Variants in PAQR6 observed in about 807,000 individuals in gnomAD.
The protein encoded by PAQR6 is membrane progestin receptor delta.
PAQR6 carries 34 observed loss-of-function variants against 36.2 expected under a neutral mutation model. The ratio of observed to expected loss-of-function variants is 0.94; its 90% confidence interval spans 0.71 to 1.25. PAQR6 has a LOEUF of 1.25. PAQR6 is among the 50% of genes most tolerant of loss of function. The pLI is 0.00. For missense variants in PAQR6, 431 were observed against 445.7 expected, an observed-to-expected ratio of 0.97 and a Z score of 0.30; for synonymous variants, 190 against 190.7, an observed-to-expected ratio of 1.00 and a Z score of 0.03.
At position 156,246,686 on chromosome 1, in the gene PAQR6, G is replaced by A; in HGVS notation, c.46C>T (p.Pro16Ser). 1 of 1,613,752 alleles carries A rather than the reference G, an allele frequency of 6.2e-7. No homozygotes were observed. The highest frequency in any genetic ancestry group is 8.5e-7 in the Non-Finnish European group (1 of 1,179,858). ...CAGTGGGTGGAGCCCCTCACCCGGG[G>A]GACCTGGTGGACTTGAAGAAGTTGG... Reference protein sequence around the residue: ...LPQLLQVHQVPRVFWEDGIMS... With the variant: ...LPQLLQVHQVSRVFWEDGIMS... The change falls in exon 2 of 8, where the codon CCC (proline) becomes TCC (serine). Residue 16 changes from proline to serine, a missense_variant. By Grantham distance (74) the Pro-to-Ser change is moderately conservative. Transcript: ENST00000292291.
In PAQR6 at chr1:156,243,908, T is replaced by A; in HGVS notation, c.*221A>T. The stretch of plus-strand genomic sequence containing the variant: ...TCCCCTCTCAGACCCTCAGCACTTC[T>A]TCCACTCCCATCAAGAGCCCCCTCA... On this transcript the variant is annotated 3_prime_UTR_variant, in exon 8 of 8. Coordinates refer to ENST00000292291, the MANE Select transcript of PAQR6 (RefSeq NM_198406.3). 1 of 1,613,306 alleles carries A rather than the reference T, an allele frequency of 6.2e-7. No homozygotes were observed. Among genetic ancestry groups the A allele is most frequent in the Non-Finnish European group, 8.5e-7 (1 of 1,179,400 alleles).
Position 156,245,128 on chromosome 1 carries a change from C to G in PAQR6, c.609+14G>C. On this transcript the variant is annotated intron_variant, in intron 6 of 7. Transcript: ENST00000292291. Reference sequence around the variant, plus strand: ...GAAAGCAGGAGTCTGGGCAGGGGCCCTAGGCCTCCTTACCCGATAAAAGAG... The same window carrying G: ...GAAAGCAGGAGTCTGGGCAGGGGCCGTAGGCCTCCTTACCCGATAAAAGAG... 6.2e-7 allele frequency: 1 copy of G among 1,612,234 alleles called. No individual in the cohort carries two copies. The highest frequency in any genetic ancestry group is 8.5e-7 in the Non-Finnish European group (1 of 1,178,766).
Position 156,243,989 on chromosome 1 carries a change from C to G in PAQR6, c.*140G>C. On this transcript the variant is annotated 3_prime_UTR_variant, in exon 8 of 8. Coordinates refer to ENST00000292291, the MANE Select transcript of PAQR6 (RefSeq NM_198406.3). Reference sequence around the variant, plus strand: ...AGACACCCCTCCTCTTCTCTGCCCTCTCTCCTGTGCCCTCTCTCCTCAGCC... The same window carrying G: ...AGACACCCCTCCTCTTCTCTGCCCTGTCTCCTGTGCCCTCTCTCCTCAGCC... 1.9e-6 allele frequency: 3 copies of G among 1,614,216 alleles called. No homozygotes were observed. Among genetic ancestry groups the G allele is most frequent in the Non-Finnish European group, 2.5e-6 (3 of 1,180,026 alleles).
intron 1 of PAQR6, 72 bp downstream of exon 1, chr1:156,247,885 G>A (rs137965952): frequency 1.0e-5 from 4 of 395,310 alleles, no homozygotes; most frequent in East Asian, 1.6e-4. Context: ...ATGGAAATGG[G>A]GGAGGGGTGG....
chr1:156,245,711 T>C lies in PAQR6; in HGVS notation c.386-50A>G, dbSNP rs865916447. The C allele has an allele frequency of 3.8e-6, 6 of 1,587,826 alleles. No homozygotes were observed. The Middle Eastern group carries it at 1.0e-3, about 275-fold the overall frequency. On this transcript the variant is annotated intron_variant, in intron 4 of 7. Transcript: ENST00000292291. The stretch of plus-strand genomic sequence containing the variant: ...CTGAGGCCTGAGGGGCGCGCCCCTA[T>C]GTCCCGCGTCCCACCCCTCGCCCCG...
chr1:156,244,137 G>T lies in PAQR6; in HGVS notation c.1027C>A (p.Gln343Lys), dbSNP rs763782228. The T allele has an allele frequency of 1.9e-6, 3 of 1,603,998 alleles. No individual in the cohort carries two copies. Among genetic ancestry groups the T allele is most frequent in the Admixed American group, 3.3e-5 (2 of 59,712 alleles). ...GGGTCAGGGATGGGGCCTCACTGTTGTTTGGCCTGGGTACCCCCCTCCAGT... is the reference window on the plus strand; with the variant it reads ...GGGTCAGGGATGGGGCCTCACTGTTTTTTGGCCTGGGTACCCCCCTCCAGT... ...GPLEGGTQAK[Q>K]Q is the part of the protein sequence containing the mutation. Residue 343 changes from glutamine (Q) to lysine (K), a missense_variant, in exon 8 of 8, where the codon CAA becomes AAA. Coordinates refer to ENST00000292291, the MANE Select transcript of PAQR6 (RefSeq NM_198406.3).
intron 2 of PAQR6, 112 bp from the exon 3 acceptor site, chr1:156,246,362 C>A: frequency 1.0e-6 from 1 of 997,658 alleles, no homozygotes; most frequent in Non-Finnish European, 1.5e-6. Flanking sequence ...ACGTGGCCCC[C>A]AAGCCAAACT....
Position 156,246,736 on chromosome 1 carries a change from G to C in PAQR6, c.-5C>G. The C allele has an allele frequency of 6.2e-7, 1 of 1,613,680 alleles. No homozygotes were observed. Reference sequence around the variant, plus strand: ...GGGCAGCTTGAGACTGAGCATGGTGGCCTGGTACCTCCACGTTGACCTAGA... The same window carrying C: ...GGGCAGCTTGAGACTGAGCATGGTGCCCTGGTACCTCCACGTTGACCTAGA... On this transcript the variant is annotated 5_prime_UTR_variant, in exon 2 of 8. Transcript: ENST00000292291.
chr1:156,244,163 G>A lies in PAQR6; in HGVS notation c.1001C>T (p.Pro334Leu), dbSNP rs1339302549. The change falls in exon 8 of 8, where the codon CCA (proline) becomes CTA (leucine). Residue 334 changes from proline to leucine, a missense_variant. Pro to Leu is a moderately conservative substitution (Grantham distance 98, BLOSUM62 -3). Coordinates refer to ENST00000292291, the MANE Select transcript of PAQR6 (RefSeq NM_198406.3). ...PSTCPLLQGG[P>L]LEGGTQAKQQ is the part of the protein sequence containing the mutation. ...TTTGGCCTGGGTACCCCCCTCCAGTGGGCCACCCTGCAGCAGAGGGCATGT... is the reference window on the plus strand; with the variant it reads ...TTTGGCCTGGGTACCCCCCTCCAGTAGGCCACCCTGCAGCAGAGGGCATGT... 8.1e-6 allele frequency: 13 copies of A among 1,606,166 alleles called. No individual in the cohort carries two copies. Among genetic ancestry groups the A allele is most frequent in the Non-Finnish European group, 1.1e-5 (13 of 1,173,720 alleles).
At position 156,243,822 on chromosome 1, in the gene PAQR6, C is replaced by T. The variant is rs756776427; in HGVS notation, c.*307G>A. ...GGAGCCAGATGAAAGGACCCCAACA[C>T]CTCCCCCCGCCAACCTTTGACAGAA... On this transcript the variant is annotated 3_prime_UTR_variant, in exon 8 of 8. Coordinates refer to ENST00000292291, the MANE Select transcript of PAQR6 (RefSeq NM_198406.3). The T allele has an allele frequency of 5.0e-5, 77 of 1,537,478 alleles. No homozygotes were observed. Among genetic ancestry groups the T allele is most frequent in the Non-Finnish European group, 8.8e-7 (1 of 1,140,816 alleles).
rs757185893 is a variant in PAQR6, at chr1:156,246,726, G to C, written c.6C>G (p.Leu2=). Reference sequence around the variant, plus strand: ...GAAGAAGTTGGGGCAGCTTGAGACTGAGCATGGTGGCCTGGTACCTCCACG... The same window carrying C: ...GAAGAAGTTGGGGCAGCTTGAGACTCAGCATGGTGGCCTGGTACCTCCACG... The part of the protein sequence containing the change: M[L]SLKLPQLLQV... The change falls in exon 2 of 8, where the codon CTC becomes CTG. Residue 2 remains leucine, a synonymous_variant. Coordinates refer to ENST00000292291, the MANE Select transcript of PAQR6 (RefSeq NM_198406.3). The C allele has an allele frequency of 6.2e-7, 1 of 1,613,692 alleles. No homozygotes were observed. The highest frequency in any genetic ancestry group is 1.7e-5 in the Admixed American group (1 of 59,966).
intron 6 of PAQR6, 71 bp downstream of exon 6, chr1:156,245,071 G>A (rs1430580037): frequency 1.2e-6 from 2 of 1,602,650 alleles, no homozygotes; most frequent in African/African-American, 2.7e-5. Context: ...AGGGGGCAGG[G>A]CTGGAAGTGG....
At chr1:156,247,735 T>C (rs968004160) in intron 1 of PAQR6, 7 of 213,898 alleles carry the variant, frequency 3.3e-5, no homozygotes, top group Non-Finnish European at 5.9e-5. Flanking sequence ...AGTGGGATGG[T>C]CGGGGGTCTC....
chr1:156,245,554 C>T lies in PAQR6; in HGVS notation c.493G>A (p.Gly165Ser), dbSNP rs1342857656. 1 of 1,612,298 alleles carries T rather than the reference C, an allele frequency of 6.2e-7. No individual in the cohort carries two copies. The highest frequency in any genetic ancestry group is 1.7e-5 in the Admixed American group (1 of 60,018). ...AAALNSFLCT[G>S]LSCYSRFLEL... is the part of the protein sequence containing the mutation. ...ACCCACCGGGAGTAGCAGGAGAGGCCGGTGCACAGGAAGGAGTTGAGTGCG... is the reference window on the plus strand; with the variant it reads ...ACCCACCGGGAGTAGCAGGAGAGGCTGGTGCACAGGAAGGAGTTGAGTGCG... The change falls in exon 5 of 8, where the codon GGC becomes AGC. Residue 165 changes from glycine (G) to serine (S), a missense_variant. By Grantham distance (56) the Gly-to-Ser change is moderately conservative. Coordinates refer to ENST00000292291, the MANE Select transcript of PAQR6 (RefSeq NM_198406.3).
rs780199095 is a variant in PAQR6 at position 156,245,194 on chromosome 1, G to T, written c.557C>A (p.Thr186Lys). 2 of 1,614,064 alleles carry T rather than the reference G, an allele frequency of 1.2e-6. No homozygotes were observed. Among genetic ancestry groups the T allele is most frequent in the African/African-American group, 2.7e-5 (2 of 74,936 alleles). ...CAGGAATGGATAGGCGAAGGCTCCT[G>T]TGCGGAGGACCTTACTGAGCCCAGG... is the stretch of plus-strand genomic sequence containing the variant. ...ESPGLSKVLR[T>K]GAFAYPFLFD... The change falls in exon 6 of 8, where the codon ACA (threonine) becomes AAA (lysine). Residue 186 changes from threonine to lysine, a missense_variant. Coordinates refer to ENST00000292291, the MANE Select transcript of PAQR6 (RefSeq NM_198406.3).
At position 156,245,951 on chromosome 1, in the gene PAQR6, G is replaced by A. The variant is rs1660390988; in HGVS notation, c.216C>T (p.Gly72=). 6.5e-7 allele frequency: 1 copy of A among 1,532,050 alleles called. No homozygotes were observed. Among genetic ancestry groups the A allele is most frequent in the South Asian group, 1.2e-5 (1 of 81,762 alleles). The allele number at this position is 1,532,050 out of a possible 1,614,324, so 94.9% of individuals were successfully genotyped here. ...FLWRLLALAG[G]PGFRAEPYHW... Reference sequence around the variant, plus strand: ...GGTACGGCTCCGCACGGAAGCCGGGGCCGCCCGCCAGCGCCAGGAGCCGCC... The same window carrying A: ...GGTACGGCTCCGCACGGAAGCCGGGACCGCCCGCCAGCGCCAGGAGCCGCC... The change falls in exon 4 of 8, where the codon GGC becomes GGT. Residue 72 remains glycine, a synonymous_variant. Transcript: ENST00000292291.
intron 2 of PAQR6, 90 bp from the exon 3 acceptor site, chr1:156,246,340 G>A (rs1248357024): frequency 1.6e-6 from 2 of 1,254,342 alleles, no homozygotes; most frequent in African/African-American, 1.5e-5. Context: ...AAAGAGGCTG[G>A]GCTGGAGATC....
chr1:156,245,054 G>A (rs1660121218), intron 6 of PAQR6, 88 bp downstream of exon 6: 1 of 1,601,540 alleles, frequency 6.2e-7, no homozygotes, highest in South Asian at 1.1e-5. Context: ...GGCTGAGGCA[G>A]GGACTGAGGG....
chr1:156,244,856 C>G lies in PAQR6; in HGVS notation c.665G>C (p.Ser222Thr). 6.2e-7 allele frequency: 1 copy of G among 1,613,408 alleles called. No homozygotes were observed. The change falls in exon 7 of 8, where the codon AGC becomes ACC. Residue 222 changes from serine (S) to threonine (T), a missense_variant. Coordinates refer to ENST00000292291, the MANE Select transcript of PAQR6 (RefSeq NM_198406.3). ...CGCGCAGAAGAGATGGTAGCCATGG[C>G]TGGTGCTCAGGGCCTCCTGCCCACA... ...HGCGQEALSTSHGYHLFCALL... is the reference protein window; with the variant it reads ...HGCGQEALSTTHGYHLFCALL...
Sources: allele counts gnomAD v4.1 joint callset, GRCh38; gene constraint gnomAD v4.1.1; transcripts MANE v1.5; gene names NCBI Gene and HGNC (gene_info 2026-07-23, HGNC 2026-07-21).